Variants in GON4L observed in about 807,000 individuals in gnomAD.
GON4L encodes GON-4-like protein.
A neutral mutation model predicts 211.8 loss-of-function variants in GON4L; 87 were observed. That is an observed-to-expected ratio of 0.41 (90% CI 0.35 to 0.49). The LOEUF (loss-of-function observed/expected upper bound fraction) is 0.49, where lower values mean the gene tolerates loss of function less well. Ranked by LOEUF, GON4L falls within the 20% of genes least tolerant of loss-of-function variation. GON4L has a pLI of 0.15. For synonymous variants in GON4L, 875 were observed against 962.6 expected (o/e 0.91, Z 1.68); for missense variants, 2,155 against 2,659.5 (o/e 0.81, Z 4.17).
chr1:155,855,118 C>T (rs1672155693), intron 1 of GON4L, among the ~76,000 whole-genome samples: 1 of 151,956 alleles, frequency 6.6e-6, no homozygotes, highest in Non-Finnish European at 1.5e-5. Flanking sequence ...CTATCCTCTG[C>T]GCTATGTTAC....
At chr1:155,754,207 A>G in intron 28 of GON4L, 168 bp downstream of exon 28, 2 of 675,192 alleles carry the variant, frequency 3.0e-6, no homozygotes, top group Non-Finnish European at 5.5e-6. Flanking sequence ...AACAAAATCT[A>G]TCACGTATTT....
At chr1:155,777,907 T>C in intron 14 of GON4L, 87 bp from the exon 15 acceptor site, 1 of 820,200 alleles carries the variant, frequency 1.2e-6, no homozygotes. Context: ...GCAAAGAGCC[T>C]GAACAATTTT....
At chr1:155,794,720 A>G (rs1665911816) in intron 12 of GON4L, among the ~76,000 whole-genome samples, 1 of 152,212 alleles carries the variant, frequency 6.6e-6, no homozygotes. Context: ...AACCTGTTAC[A>G]GCATTTATCA....
intron 22 of GON4L, among the ~76,000 whole-genome samples, chr1:155,762,834 G>A (rs944087428): frequency 5.3e-5 from 8 of 152,052 alleles, no homozygotes; most frequent in Non-Finnish European, 8.8e-5. Context: ...TTAGGAGTTC[G>A]ATACCAGCCT....
At chr1:155,805,293 T>C (rs1667028790) in intron 10 of GON4L, 152 bp from the exon 11 acceptor site, 2 of 647,890 alleles carry the variant, frequency 3.1e-6, no homozygotes, top group East Asian at 2.7e-5. Context: ...AAACACGACA[T>C]AAAAAAGAAA....
chr1:155,812,385 T>C (rs1667866906), intron 10 of GON4L, among the ~76,000 whole-genome samples: 1 of 152,126 alleles, frequency 6.6e-6, no homozygotes, highest in South Asian at 2.1e-4. Context: ...TGAGAAACTG[T>C]TCCAGATTAA....
At chr1:155,814,207 C>T in intron 9 of GON4L, 123 bp downstream of exon 9, 1 of 1,016,782 alleles carries the variant, frequency 9.8e-7, no homozygotes, top group Non-Finnish European at 1.5e-6. Flanking sequence ...TGTTTACTAA[C>T]TTAAGAAACT....
At chr1:155,776,577 A>G (rs1215558261) in intron 15 of GON4L, 96 bp from the exon 16 acceptor site, 1 of 974,422 alleles carries the variant, frequency 1.0e-6, no homozygotes, top group African/African-American at 1.6e-5. Context: ...TGGAGAAAGG[A>G]TCTCTCTCTG....
At chr1:155,843,547 C>G (rs1446474635) in intron 2 of GON4L, among the ~76,000 whole-genome samples, 1 of 152,136 alleles carries the variant, frequency 6.6e-6, no homozygotes, top group African/African-American at 2.4e-5. Context: ...ACTAATGATA[C>G]TATCTTTTGC....
chr1:155,828,583 G>A (rs1669439108), intron 2 of GON4L, among the ~76,000 whole-genome samples: 1 of 151,570 alleles, frequency 6.6e-6, no homozygotes, highest in Admixed American at 6.6e-5. Flanking sequence ...GAGATGGGTG[G>A]ATCACTTGAG....
At position 155,774,881 on chromosome 1, in the gene GON4L, G is replaced by C; in HGVS notation, c.2350+121C>G. ...AAGGGAGGATAAAAGAGAGAAGGAA[G>C]AAATTACAAATGTCCTGTGTCCTCC... On this transcript the variant is annotated intron_variant, in intron 17 of 31. Transcript: ENST00000368331. 13 of 1,085,274 alleles carry C rather than the reference G, an allele frequency of 1.2e-5. No homozygotes were observed. The South Asian group carries it at 1.7e-4, about 15-fold the overall frequency. The allele number at this position is 1,085,274 out of a possible 1,614,324, so 67.2% of individuals were successfully genotyped here.
At chr1:155,802,407 A>G (rs1230908785) in intron 11 of GON4L, among the ~76,000 whole-genome samples, 2 of 152,160 alleles carry the variant, frequency 1.3e-5, no homozygotes, top group African/African-American at 4.8e-5. Flanking sequence ...GTGAAAAAAG[A>G]GAAAACTCTG....
intron 10 of GON4L, among the ~76,000 whole-genome samples, chr1:155,806,475 G>C (rs548739116): frequency 6.6e-6 from 1 of 151,942 alleles, no homozygotes; most frequent in Non-Finnish European, 1.5e-5. Flanking sequence ...GTAGAGATGG[G>C]GGTGGGGGGA....
At chr1:155,782,508 A>G (rs1159341772) in intron 14 of GON4L, among the ~76,000 whole-genome samples, 2 of 152,210 alleles carry the variant, frequency 1.3e-5, no homozygotes, top group African/African-American at 2.4e-5. Flanking sequence ...ATCTAGGTTT[A>G]TCCAAGTGCT....
intron 11 of GON4L, among the ~76,000 whole-genome samples, chr1:155,801,400 G>C (rs1000675040): frequency 7.9e-5 from 12 of 151,950 alleles, no homozygotes; most frequent in African/African-American, 2.2e-4. Flanking sequence ...TGAAGGAACT[G>C]ATTCTATACT....
At chr1:155,749,277 G>T, downstream of GON4L, 2 of 1,604,460 alleles carry the variant, frequency 1.2e-6, no homozygotes, top group Non-Finnish European at 1.7e-6. Context: ...TTCTTAGTTT[G>T]TTATTCATGC....
intron 11 of GON4L, among the ~76,000 whole-genome samples, chr1:155,803,300 A>G (rs1666856047): frequency 6.8e-6 from 1 of 147,096 alleles, no homozygotes; most frequent in Non-Finnish European, 1.5e-5. Flanking sequence ...GCTGGAGCGC[A>G]GTGGCGCAAT....
intron 14 of GON4L, 35 bp downstream of exon 14, chr1:155,783,951 T>A (rs373602803): frequency 1.2e-5 from 19 of 1,611,834 alleles, no homozygotes; most frequent in Non-Finnish European, 1.5e-5. Flanking sequence ...AAACTTTTCC[T>A]CTATTCCAAA....
Position 155,826,865 on chromosome 1 carries a change from T to C in GON4L, c.669A>G (p.Ile223Met), listed in dbSNP as rs770152643. ...TTGGAATGAAGAGTCCACCATCTTCTATCTCTTCCTCAGGTTGGTGAAACA... is the reference window on the plus strand; with the variant it reads ...TTGGAATGAAGAGTCCACCATCTTCCATCTCTTCCTCAGGTTGGTGAAACA... ...RTLFHQPEEE[I>M]EDGGLFIPME... is the part of the protein sequence containing the mutation. Residue 223 changes from isoleucine to methionine, a missense_variant, in exon 3 of 32, where the codon ATA becomes ATG. Transcript: ENST00000368331. The C allele has an allele frequency of 2.5e-6, 4 of 1,612,574 alleles. No homozygotes were observed. Among genetic ancestry groups the C allele is most frequent in the South Asian group, 1.1e-5 (1 of 91,032 alleles).
Sources: allele counts gnomAD v4.1 joint callset (sites outside exome capture counted in the v4.1 genomes callset), GRCh38; gene constraint gnomAD v4.1.1; transcripts MANE v1.5; gene names NCBI Gene and HGNC (gene_info 2026-07-23, HGNC 2026-07-21).